TTN: variants seen among roughly 807,000 people sequenced by gnomAD.
TTN encodes the protein titin.
In TTN, 1,525 loss-of-function variants were observed where a neutral mutation model predicts 3,223.0. The ratio of observed to expected loss-of-function variants is 0.47; its 90% CI spans 0.45 to 0.49. TTN has a LOEUF of 0.49. TTN is among the 20% of genes least tolerant of loss of function. The pLI is 0.00. For missense variants in TTN, 40,786 were observed against 43,424.0 expected, an observed-to-expected ratio of 0.94 and a Z score of 5.40; for synonymous variants, 14,094 against 15,161.0, an observed-to-expected ratio of 0.93 and a Z score of 5.17.
intron 111 of TTN, among the ~76,000 whole-genome samples, chr2:178,699,356 CT>C (rs2074355565): frequency 8.5e-6 from 1 of 117,280 alleles, no homozygotes; most frequent in Non-Finnish European, 1.8e-5. Context: ...TGATTATGGC[CT>C]TTTGTATTCA....
At position 178,707,738 on chromosome 2, in the gene TTN, C is replaced by T. The variant is rs371759532; in HGVS notation, c.28829G>A (p.Ser9610Asn). ...TGGCTCAGATCCCTGGACATGGCAGCTGAGCTGCACGTATTCTCCTTCACT... is the reference window on the plus strand; with the variant it reads ...TGGCTCAGATCCCTGGACATGGCAGTTGAGCTGCACGTATTCTCCTTCACT... ...TVSEGEYVQL[S>N]CHVQGSEPIR... The change falls in exon 100 of 363, where the codon AGC (serine) becomes AAC (asparagine). Residue 9610 changes from serine to asparagine, a missense_variant. Coordinates refer to ENST00000589042, the MANE Select transcript of TTN (RefSeq NM_001267550.2). 3.4e-5 allele frequency: 55 copies of T among 1,613,850 alleles called. No homozygotes were observed. The African/African-American group carries it at 7.2e-4, about 21-fold the overall frequency.
intron 47 of TTN, chr2:178,745,491 C>T (rs981541732): frequency 1.9e-6 from 3 of 1,550,018 alleles, no homozygotes; most frequent in African/African-American, 2.7e-5. Context: ...ATATGGTGGA[C>T]CTGTTTGGAA....
In TTN at chr2:178,542,509, G is replaced by A. The variant is rs377412567; in HGVS notation, c.97247C>T (p.Ser32416Leu). The change falls in exon 349 of 363, where the codon TCA (serine) becomes TTA (leucine). Residue 32416 changes from serine to leucine, a missense_variant. Transcript: ENST00000589042. ...AGGTGGTTCCCAGGAAATGGTAATTGATGTAGCATCAATTTCATCAATCTT... is the reference window on the plus strand; with the variant it reads ...AGGTGGTTCCCAGGAAATGGTAATTAATGTAGCATCAATTTCATCAATCTT... ...PIKIDEIDATSITISWEPPEL... is the reference protein window; with the variant it reads ...PIKIDEIDATLITISWEPPEL... 240 of 1,611,852 alleles carry A rather than the reference G, an allele frequency of 1.5e-4. No homozygotes were observed. Among genetic ancestry groups the A allele is most frequent in the Non-Finnish European group, 1.9e-4 (228 of 1,178,244 alleles).
At chr2:178,705,485 T>C (rs748942664) in intron 102 of TTN, 128 bp from the exon 103 acceptor site, 1 of 786,308 alleles carries the variant, frequency 1.3e-6, no homozygotes. Flanking sequence ...ATATTAATTT[T>C]ACCATGTTAG....
At position 178,664,727 on chromosome 2, in the gene TTN, A is replaced by T; in HGVS notation, c.36129T>A (p.Ala12043=). 1 of 1,612,426 alleles carries T rather than the reference A, an allele frequency of 6.2e-7. No individual in the cohort carries two copies. The highest frequency in any genetic ancestry group is 8.5e-7 in the Non-Finnish European group (1 of 1,179,670). Residue 12043 remains alanine, a synonymous_variant, in exon 167 of 363, where the codon GCT becomes GCA. Coordinates refer to ENST00000589042, the MANE Select transcript of TTN (RefSeq NM_001267550.2). ...TCTTTTCAGGGACAATTTCTTGGAG[A>T]GCTTCAGGCACTTTAAGAAATTAGT... is the stretch of plus-strand genomic sequence containing the variant. The part of the protein sequence containing the change: ...REPPSVKVPE[A]LQEIVPEKKT...
Position 178,609,962 on chromosome 2 carries a change from A to G in TTN, c.51461T>C (p.Val17154Ala), listed in dbSNP as rs371799925. 7 of 1,612,258 alleles carry G rather than the reference A, an allele frequency of 4.3e-6. No homozygotes were observed. In the African/African-American group the frequency reaches 9.4e-5, roughly 22 times the overall value. Residue 17154 changes from valine to alanine, a missense_variant, in exon 272 of 363, where the codon GTA becomes GCA. By Grantham distance (64) the Val-to-Ala change is moderately conservative. Transcript: ENST00000589042. ...PKQPPDPPVD[V>A]EVHNPTAEAM... ...CTCCGCTGTAGGATTATGAACCTCT[A>G]CATCTACAGGTGGATCAGGGGGTTC...
chr2:178,603,396 A>G (rs1040564659), intron 282 of TTN, among the ~76,000 whole-genome samples: 2 of 151,954 alleles, frequency 1.3e-5, no homozygotes, highest in African/African-American at 4.8e-5. Flanking sequence ...TTTTAGAAGA[A>G]TTTTTCTCTC....
In TTN at chr2:178,718,441, G is replaced by A; in HGVS notation, c.24665C>T (p.Thr8222Ile). The A allele has an allele frequency of 6.2e-7, 1 of 1,613,718 alleles. No individual in the cohort carries two copies. The highest frequency in any genetic ancestry group is 8.5e-7 in the Non-Finnish European group (1 of 1,179,742). ...SQSERCSITM[T>I]EKSTILEILE... ...AATTTCCAGTATGGTAGATTTTTCT[G>A]TCATAGTAATACTGCATCTCTCAGA... The change falls in exon 85 of 363, where the codon ACA becomes ATA. Residue 8222 changes from threonine to isoleucine, a missense_variant. Transcript: ENST00000589042.
chr2:178,532,338 C>T lies in TTN; in HGVS notation c.104277G>A (p.Lys34759=), dbSNP rs377391143. Residue 34759 remains lysine (K), a synonymous_variant, in exon 358 of 363, where the codon AAG becomes AAA. Coordinates refer to ENST00000589042, the MANE Select transcript of TTN (RefSeq NM_001267550.2). ...TCTCAGCCATGATTCTTTGCCGTTG[C>T]TTTGGCTGTCTGTACGCAGCCTGGG... ...RHAQAAYRQP[K]QRQRIMAERE... is the part of the protein sequence containing the mutation. 82 of 1,614,006 alleles carry T rather than the reference C, an allele frequency of 5.1e-5. 1 individual carries two copies. In the African/African-American group the frequency reaches 1.1e-3, roughly 21 times the overall value.
chr2:178,748,224 C>T lies in TTN; in HGVS notation c.11311+4900G>A, dbSNP rs2084245101. 2 of 1,612,878 alleles carry T rather than the reference C, an allele frequency of 1.2e-6. No individual in the cohort carries two copies. Among genetic ancestry groups the T allele is most frequent in the East Asian group, 4.5e-5 (2 of 44,822 alleles). ...GCACATGATTCACTATAGATTTCTT[C>T]AGAAAAGGATTTAAGAGAAAGATCA... On this transcript the variant is annotated intron_variant, in intron 47 of 362. Coordinates refer to ENST00000589042, the MANE Select transcript of TTN (RefSeq NM_001267550.2).
intron 2 of TTN, among the ~76,000 whole-genome samples, chr2:178,803,806 C>T (rs1023983519): frequency 6.6e-6 from 1 of 151,554 alleles, no homozygotes; most frequent in African/African-American, 2.4e-5. Context: ...AGTTCATACA[C>T]TACTCTCCAT....
chr2:178,573,627 C>T lies in TTN; in HGVS notation c.72505G>A (p.Ala24169Thr). 1 of 1,500,618 alleles carries T rather than the reference C, an allele frequency of 6.7e-7. No individual in the cohort carries two copies. Among genetic ancestry groups the T allele is most frequent in the Non-Finnish European group, 8.9e-7 (1 of 1,127,256 alleles). 93.0% of individuals were successfully genotyped at this position (1,500,618 alleles called of 1,614,324 possible). Residue 24169 changes from alanine to threonine, a missense_variant, in exon 326 of 363, where the codon GCA becomes ACA. Physicochemically the swap from Ala to Thr is moderately conservative, Grantham distance 58. Coordinates refer to ENST00000589042, the MANE Select transcript of TTN (RefSeq NM_001267550.2). ...ACTTCTGAGGCTACATTTGTCCATG[C>T]CAATCTGCTGGTTTCACGTTTCTGT... ...IVQKRETSRLAWTNVASEVQV... is the reference protein window; with the variant it reads ...IVQKRETSRLTWTNVASEVQV...
chr2:178,578,234 C>T lies in TTN; in HGVS notation c.68330-49G>A, dbSNP rs1418091586. The T allele has an allele frequency of 2.0e-6, 3 of 1,527,620 alleles. No individual in the cohort carries two copies. In the Admixed American group the frequency reaches 5.6e-5, roughly 29 times the overall value. The allele number at this position is 1,527,620 out of a possible 1,614,324, so 94.6% of individuals were successfully genotyped here. ...CAAGTATAAATGCAGCTTGATTTTA[C>T]AATATATATGTGTTGCCCAAATTAT... On this transcript the variant is annotated intron_variant, in intron 321 of 362. Coordinates refer to ENST00000589042, the MANE Select transcript of TTN (RefSeq NM_001267550.2).
intron 1 of TTN, among the ~76,000 whole-genome samples, chr2:178,806,183 C>T (rs2094309990): frequency 6.6e-6 from 1 of 152,136 alleles, no homozygotes; most frequent in African/African-American, 2.4e-5. Context: ...CAGATAATAT[C>T]CAAAAGCTTT....
At position 178,620,375 on chromosome 2, in the gene TTN, A is replaced by G. The variant is rs762544602; in HGVS notation, c.46146T>C (p.Ala15382=). The change falls in exon 248 of 363, where the codon GCT becomes GCC. Residue 15382 remains alanine (A), a synonymous_variant. Coordinates refer to ENST00000589042, the MANE Select transcript of TTN (RefSeq NM_001267550.2). ...TCGGGGCTTCTATGATGAGAAGCTC[A>G]GCAACAGATTTATCTTGTCCAGCAG... is the stretch of plus-strand genomic sequence containing the variant. The part of the protein sequence containing the change: ...IVTAGQDKSV[A]ELLIIEAPTE... The G allele has an allele frequency of 7.4e-6, 12 of 1,611,078 alleles. No individual in the cohort carries two copies. In the South Asian group the frequency reaches 7.7e-5, roughly 10 times the overall value.
Position 178,723,701 on chromosome 2 carries a change from A to G in TTN, c.21404-5T>C, listed in dbSNP as rs1229507487. The G allele has an allele frequency of 4.5e-6, 7 of 1,557,174 alleles. No individual in the cohort carries two copies. The African/African-American group carries it at 5.5e-5, about 12-fold the overall frequency. ...CTTTCACAAAAGAGGGTGGTTCTAT[A>G]TAGACATGGAGAACAATTAAAAGAT... On this transcript the variant is annotated splice_region_variant and splice_polypyrimidine_tract_variant and intron_variant, in intron 73 of 362. Coordinates refer to ENST00000589042, the MANE Select transcript of TTN (RefSeq NM_001267550.2).
Position 178,730,750 on chromosome 2 carries a change from A to T in TTN, c.17783T>A (p.Met5928Lys), listed in dbSNP as rs1337129774. 6.2e-7 allele frequency: 1 copy of T among 1,608,246 alleles called. No individual in the cohort carries two copies. Among genetic ancestry groups the T allele is most frequent in the Admixed American group, 1.7e-5 (1 of 59,690 alleles). Residue 5928 changes from methionine to lysine, a missense_variant, in exon 61 of 363, where the codon ATG (methionine) becomes AAG (lysine). Coordinates refer to ENST00000589042, the MANE Select transcript of TTN (RefSeq NM_001267550.2). ...AATGAAAGAACCTTTAATGCTGTCCATTTTCTTCAGCTTTTTGGTGAATGA... is the reference window on the plus strand; with the variant it reads ...AATGAAAGAACCTTTAATGCTGTCCTTTTTCTTCAGCTTTTTGGTGAATGA... ...PPSFTKKLKKMDSIKGSFIDL... is the reference protein window; with the variant it reads ...PPSFTKKLKKKDSIKGSFIDL...
chr2:178,650,419 A>AT, intron 209 of TTN, 148 bp from the exon 210 acceptor site: 1 of 845,642 alleles, frequency 1.2e-6, no homozygotes, highest in South Asian at 1.9e-5. Flanking sequence ...AATCTATCTC[A>AT]TTTGCACTGA....
In TTN at chr2:178,729,302, C is replaced by G. The variant is rs2079958809; in HGVS notation, c.18854G>C (p.Arg6285Thr). The change falls in exon 64 of 363, where the codon AGA (arginine) becomes ACA (threonine). Residue 6285 changes from arginine to threonine, a missense_variant. Coordinates refer to ENST00000589042, the MANE Select transcript of TTN (RefSeq NM_001267550.2). ...GTATAACTGACCTTTCAGGGCAACT[C>G]TAGTACTGCATGAGCAGCTGCCGCC... ...NEGGSCSCST[R>T]VALKEPPSFI... 12 of 1,610,392 alleles carry G rather than the reference C, an allele frequency of 7.5e-6. No individual in the cohort carries two copies. Among genetic ancestry groups the G allele is most frequent in the Non-Finnish European group, 1.0e-5 (12 of 1,177,702 alleles).
Sources: gnomAD v4.1 joint callset for allele counts (sites outside exome capture counted in the v4.1 genomes callset) on GRCh38, gnomAD v4.1.1 for gene constraint, MANE v1.5 for transcripts, NCBI Gene and HGNC (gene_info 2026-07-23, HGNC 2026-07-21) for gene names.